ROBO1: variants seen among roughly 807,000 people sequenced by gnomAD.
The protein encoded by ROBO1 is roundabout homolog 1.
ROBO1 carries 149 observed loss-of-function variants against 195.9 expected under a neutral mutation model. The observed-to-expected ratio is 0.76, with a 90% confidence interval of 0.67 to 0.87. ROBO1 has a LOEUF of 0.87. Ranked by LOEUF, ROBO1 falls within the 40% of genes least tolerant of loss-of-function variation. The pLI is 0.00. For synonymous variants in ROBO1, 816 were observed against 733.2 expected, an observed-to-expected ratio of 1.11 and a Z score of -1.82; for missense variants, 1,933 against 2,068.3, an observed-to-expected ratio of 0.93 and a Z score of 1.27.
intron 2 of ROBO1, among the ~76,000 whole-genome samples, chr3:79,334,510 C>G (rs535447182): frequency 1.4e-4 from 21 of 151,648 alleles, no homozygotes; most frequent in African/African-American, 4.8e-4. Context: ...TAGCACAGCA[C>G]CTGGTTATAG....
chr3:78,681,309 T>C (rs2080901772), intron 10 of ROBO1, among the ~76,000 whole-genome samples: 1 of 152,048 alleles, frequency 6.6e-6, no homozygotes, highest in African/African-American at 2.4e-5. Context: ...ATTGTGCACA[T>C]GTACCCTAAA....
chr3:79,427,273 C>A (rs2038484623), intron 2 of ROBO1, among the ~76,000 whole-genome samples: 1 of 152,124 alleles, frequency 6.6e-6, no homozygotes, highest in African/African-American at 2.4e-5. Flanking sequence ...TTTTCAAGTA[C>A]TTGGATGCTA....
At chr3:79,539,281 C>T (rs1204758970) in intron 2 of ROBO1, among the ~76,000 whole-genome samples, 1 of 152,104 alleles carries the variant, frequency 6.6e-6, no homozygotes, top group Non-Finnish European at 1.5e-5. Flanking sequence ...CTTAATACTT[C>T]CTGCCCTTTA....
intron 4 of ROBO1, among the ~76,000 whole-genome samples, chr3:78,871,425 G>A (rs1349464200): frequency 6.6e-6 from 1 of 151,962 alleles, no homozygotes; most frequent in Non-Finnish European, 1.5e-5. Flanking sequence ...TCCTTTTAAG[G>A]GATGAAAAAC....
chr3:78,790,892 G>A (rs2083999196), intron 4 of ROBO1, among the ~76,000 whole-genome samples: 1 of 152,154 alleles, frequency 6.6e-6, no homozygotes, highest in Non-Finnish European at 1.5e-5. Flanking sequence ...GGGCAGGGAA[G>A]GAAAATGCCA....
chr3:78,781,473 A>G (rs554893622), intron 4 of ROBO1, among the ~76,000 whole-genome samples: 2 of 152,318 alleles, frequency 1.3e-5, no homozygotes, highest in Non-Finnish European at 2.9e-5. Context: ...ATTCTAACAT[A>G]ACATACCACT....
At chr3:79,129,617 CATTA>C (rs1559681841) in intron 2 of ROBO1, among the ~76,000 whole-genome samples, 3 of 151,960 alleles carry the variant, frequency 2.0e-5, no homozygotes, top group Non-Finnish European at 2.9e-5. Context: ...GGTTTTTAAA[CATTA>C]ATTATTTTTT....
chr3:79,370,741 C>CCCT (rs1482172009), intron 2 of ROBO1, among the ~76,000 whole-genome samples: 3 of 151,790 alleles, frequency 2.0e-5, no homozygotes, highest in Admixed American at 2.0e-4. Context: ...TAGATATATA[C>CCCT]ATGTGTCATG....
At chr3:79,207,591 C>A (rs564975522) in intron 2 of ROBO1, among the ~76,000 whole-genome samples, 1 of 152,156 alleles carries the variant, frequency 6.6e-6, no homozygotes, top group East Asian at 1.9e-4. Flanking sequence ...TGGATAGAAT[C>A]TGGTCTGGTG....
intron 2 of ROBO1, among the ~76,000 whole-genome samples, chr3:79,281,186 A>C (rs2031482199): frequency 6.6e-6 from 1 of 152,158 alleles, no homozygotes. Context: ...TATAGGAGAA[A>C]TCTGTATTAG....
chr3:79,715,497 A>C (rs1702447535), intron 1 of ROBO1, among the ~76,000 whole-genome samples: 1 of 152,130 alleles, frequency 6.6e-6, no homozygotes, highest in Non-Finnish European at 1.5e-5. Context: ...ACTTTAAATT[A>C]ACATATGTAC....
At chr3:78,800,126 G>C (rs145247038) in intron 4 of ROBO1, among the ~76,000 whole-genome samples, 52 of 152,264 alleles carry the variant, frequency 3.4e-4, no homozygotes, top group African/African-American at 1.2e-3. Flanking sequence ...TCTAATGACT[G>C]TCATTGATAG....
intron 1 of ROBO1, among the ~76,000 whole-genome samples, chr3:79,745,024 C>G (rs866283036): frequency 4.6e-5 from 7 of 152,082 alleles, no homozygotes; most frequent in Non-Finnish European, 8.8e-5. Flanking sequence ...TTCAAACCTT[C>G]TATTTCAGCC....
chr3:79,364,271 CATAT>C (rs763630261), intron 2 of ROBO1, among the ~76,000 whole-genome samples: 1 of 148,142 alleles, frequency 6.8e-6, no homozygotes, highest in African/African-American at 2.5e-5. Flanking sequence ...TACACACACA[CATAT>C]ATATATATAC....
At chr3:79,761,224 A>T (rs1179890747) in intron 1 of ROBO1, among the ~76,000 whole-genome samples, 1 of 149,884 alleles carries the variant, frequency 6.7e-6, no homozygotes, top group Non-Finnish European at 1.5e-5. Context: ...GAATAAAGTA[A>T]CTGTACCCGA....
chr3:79,005,479 C>G (rs538620138), intron 3 of ROBO1, among the ~76,000 whole-genome samples: 1 of 152,052 alleles, frequency 6.6e-6, no homozygotes, highest in Non-Finnish European at 1.5e-5. Flanking sequence ...AAAATTTCTA[C>G]GTTTAGAAAT....
intron 8 of ROBO1, among the ~76,000 whole-genome samples, chr3:78,710,582 T>A (rs942310016): frequency 6.6e-6 from 1 of 152,208 alleles, no homozygotes; most frequent in Non-Finnish European, 1.5e-5. Flanking sequence ...ATATGTTAAA[T>A]ATCCTTATAC....
chr3:79,023,747 C>T (rs182401914), intron 3 of ROBO1, among the ~76,000 whole-genome samples: 21 of 128,134 alleles, frequency 1.6e-4, no homozygotes, highest in East Asian at 9.5e-4. Context: ...TCTGTCACCA[C>T]GCTTGAGTGC....
intron 2 of ROBO1, among the ~76,000 whole-genome samples, chr3:79,460,688 T>C (rs180779536): frequency 3.3e-5 from 5 of 152,352 alleles, no homozygotes; most frequent in Admixed American, 2.0e-4. Flanking sequence ...TACAACAATA[T>C]AATAGCAATT....
Sources: gnomAD v4.1 joint callset for allele counts (sites outside exome capture counted in the v4.1 genomes callset) on GRCh38, gnomAD v4.1.1 for gene constraint, MANE v1.5 for transcripts, NCBI Gene and HGNC (gene_info 2026-07-23, HGNC 2026-07-21) for gene names.